Variants in SGPP1 observed in about 807,000 individuals in gnomAD.
SGPP1 encodes the protein hSPP1.
SGPP1 carries 21 observed loss-of-function variants against 33.0 expected under a neutral mutation model. The ratio of observed to expected loss-of-function variants is 0.64; its 90% CI spans 0.45 to 0.92. The LOEUF is 0.92. Ranked by LOEUF, SGPP1 falls within the 40% of genes least tolerant of loss-of-function variation. SGPP1 has a pLI of 0.00. For synonymous variants in SGPP1, 239 were observed against 241.2 expected (o/e 0.99, Z 0.08); for missense variants, 543 against 589.4 (o/e 0.92, Z 0.81).
intron 1 of SGPP1, among the ~76,000 whole-genome samples, chr14:63,707,535 ATTT>A (rs113329588): frequency 1.4e-5 from 2 of 138,982 alleles, no homozygotes; most frequent in Non-Finnish European, 1.6e-5. Context: ...TTATCTACTG[ATTT>A]TTTTTTTTTT....
chr14:63,705,720 A>T (rs929838712), intron 1 of SGPP1, among the ~76,000 whole-genome samples: 4 of 152,154 alleles, frequency 2.6e-5, no homozygotes, highest in African/African-American at 9.7e-5. Context: ...AGTGAGGTAC[A>T]ACTTCATACT....
At chr14:63,698,093 T>C (rs1437689348) in intron 2 of SGPP1, among the ~76,000 whole-genome samples, 4 of 152,192 alleles carry the variant, frequency 2.6e-5, no homozygotes, top group African/African-American at 7.2e-5. Flanking sequence ...AAACACAATG[T>C]CCACTGTGAG....
At chr14:63,726,907 T>G in intron 1 of SGPP1, among the ~76,000 whole-genome samples, 1 of 152,330 alleles carries the variant, frequency 6.6e-6, no homozygotes, top group Admixed American at 6.5e-5. Flanking sequence ...TTAGTTTACA[T>G]AGCGATTATT....
chr14:63,699,693 T>G (rs1885256080), intron 1 of SGPP1, among the ~76,000 whole-genome samples: 1 of 151,760 alleles, frequency 6.6e-6, no homozygotes, highest in Admixed American at 6.6e-5. Flanking sequence ...CCTCCTGCCT[T>G]AGCCTCCTGA....
intron 1 of SGPP1, among the ~76,000 whole-genome samples, chr14:63,713,956 A>T (rs1389706004): frequency 6.6e-6 from 1 of 152,202 alleles, no homozygotes; most frequent in African/African-American, 2.4e-5. Flanking sequence ...TGCACCATCT[A>T]ATCTGCAGGA....
chr14:63,695,119 C>T (rs1002434235), intron 2 of SGPP1, among the ~76,000 whole-genome samples: 6 of 151,970 alleles, frequency 3.9e-5, no homozygotes, highest in African/African-American at 7.3e-5. Flanking sequence ...TGCAGTGGCG[C>T]GATCTCTGCT....
rs192219509 is a variant in SGPP1 at position 63,695,088 on chromosome 14, G to T, written c.774+3481C>A. Among the ~76,000 whole-genome samples, 166 of 151,592 alleles carry T rather than the reference G, an allele frequency of 1.1e-3. 1 individual carries two copies. The highest frequency in any genetic ancestry group is 3.4e-3 in the Middle Eastern group (1 of 294). The stretch of plus-strand genomic sequence containing the variant: ...TTTATTTTTTTTGAGAGGGAGTCTC[G>T]CTCTGTCGCCCAGGCTGGAGTGCAG... On this transcript the variant is annotated intron_variant, in intron 2 of 2. Transcript: ENST00000247225.
At chr14:63,710,046 CTT>C (rs1885492812) in intron 1 of SGPP1, among the ~76,000 whole-genome samples, 1 of 152,080 alleles carries the variant, frequency 6.6e-6, no homozygotes, top group South Asian at 2.1e-4. Context: ...TTCAGAGTAA[CTT>C]AAATATGGAA....
intron 2 of SGPP1, among the ~76,000 whole-genome samples, chr14:63,688,017 T>C (rs1056697769): frequency 1.3e-5 from 2 of 151,862 alleles, no homozygotes; most frequent in African/African-American, 4.8e-5. Flanking sequence ...CCCAACTACT[T>C]GGGAGGCTGA....
chr14:63,686,549 G>A lies in SGPP1; in HGVS notation c.882C>T (p.Ile294=). The A allele has an allele frequency of 1.2e-6, 2 of 1,614,068 alleles. No homozygotes were observed. Among genetic ancestry groups the A allele is most frequent in the African/African-American group, 1.3e-5 (1 of 75,042 alleles). Residue 294 remains isoleucine (I), a synonymous_variant, in exon 3 of 3, where the codon ATC becomes ATT. Coordinates refer to ENST00000247225, the MANE Select transcript of SGPP1 (RefSeq NM_030791.4). ...CCAAAGCTAAATGAAGCCCGATGAT[G>A]ATGAATGGAGCATATTTGTGAGTTT... ...FNQTHKYAPF[I]IIGLHLALGI...
chr14:63,698,025 G>A (rs1191945294), intron 2 of SGPP1, among the ~76,000 whole-genome samples: 1 of 152,174 alleles, frequency 6.6e-6, no homozygotes, highest in East Asian at 1.9e-4. Context: ...GAATGGGTGT[G>A]GCTGCAAATA....
chr14:63,698,485 T>C, intron 2 of SGPP1, 84 bp downstream of exon 2: 1 of 673,338 alleles, frequency 1.5e-6, no homozygotes, highest in Non-Finnish European at 2.3e-6. Context: ...AGGCTTCAGG[T>C]AAGTTTGCAA....
intron 1 of SGPP1, among the ~76,000 whole-genome samples, chr14:63,720,527 G>A (rs1279371665): frequency 4.6e-5 from 7 of 152,162 alleles, no homozygotes; most frequent in Non-Finnish European, 8.8e-5. Flanking sequence ...GGGAGGTCGA[G>A]GCGGGTGGAT....
At chr14:63,726,174 ATAAG>A (rs1460655872) in intron 1 of SGPP1, among the ~76,000 whole-genome samples, 2 of 152,248 alleles carry the variant, frequency 1.3e-5, no homozygotes, top group Non-Finnish European at 2.9e-5. Context: ...TTAATGTGGG[ATAAG>A]TAAGCTTATC....
chr14:63,714,053 T>G (rs1885573340), intron 1 of SGPP1, among the ~76,000 whole-genome samples: 1 of 152,208 alleles, frequency 6.6e-6, no homozygotes, highest in Admixed American at 6.5e-5. Context: ...ATGTTAGAAC[T>G]CCAGGCTCAC....
chr14:63,711,555 G>A (rs1210162264), intron 1 of SGPP1, among the ~76,000 whole-genome samples: 1 of 152,148 alleles, frequency 6.6e-6, no homozygotes, highest in Non-Finnish European at 1.5e-5. Flanking sequence ...AAACCATTCT[G>A]TTGGCAGAAT....
chr14:63,720,629 G>A (rs1163881493), intron 1 of SGPP1, among the ~76,000 whole-genome samples: 1 of 151,636 alleles, frequency 6.6e-6, no homozygotes, highest in Non-Finnish European at 1.5e-5. Context: ...GCGTGATGGT[G>A]GACGCCTGTA....
In SGPP1 at chr14:63,718,977, CATATATATATATATATATAT is replaced by C. The variant is rs1221455081; in HGVS notation, c.684+8264_684+8283del. ...GTAAAAATTCATATATATGTATATA[CATATATATATATATATATAT>C]ATATATATATATATATATTTTTTTT... On this transcript the variant is annotated intron_variant, in intron 1 of 2. Coordinates refer to ENST00000247225, the MANE Select transcript of SGPP1 (RefSeq NM_030791.4). Among the ~76,000 whole-genome samples, 181 of 26,966 alleles carry C rather than the reference CATATATATATATATATATAT, an allele frequency of 6.7e-3. 4 individuals are homozygous for C. The highest frequency in any genetic ancestry group is 0.021 in the African/African-American group (153 of 7,322). 17.7% of individuals were successfully genotyped at this position (26,966 alleles called of 152,430 possible). A position where few individuals can be genotyped will look rare whatever the true frequency, so the allele number is the denominator to read the frequency against.
chr14:63,711,340 T>C (rs1431596752), intron 1 of SGPP1, among the ~76,000 whole-genome samples: 1 of 152,204 alleles, frequency 6.6e-6, no homozygotes. Flanking sequence ...TAGGGATTTA[T>C]ATTGGTGGGA....
Sources: allele counts gnomAD v4.1 joint callset (sites outside exome capture counted in the v4.1 genomes callset), GRCh38; gene constraint gnomAD v4.1.1; transcripts MANE v1.5; gene names NCBI Gene and HGNC (gene_info 2026-07-23, HGNC 2026-07-21).